COL4A5: variants seen among roughly 807,000 people sequenced by gnomAD.
COL4A5 encodes the protein collagen alpha-5(IV) chain.
In COL4A5, 26 loss-of-function variants were observed where a neutral mutation model predicts 130.2. The observed-to-expected ratio is 0.20, with a 90% CI of 0.15 to 0.28. The LOEUF is 0.28. Ranked by LOEUF, COL4A5 falls within the 10% of genes least tolerant of loss-of-function variation. The pLI is 1.00. For synonymous variants in COL4A5, 496 were observed against 439.6 expected (o/e 1.13, Z -1.60); for missense variants, 1,131 against 1,344.3 (o/e 0.84, Z 2.48).
Position 108,655,456 on chromosome X carries a change from A to G in COL4A5, c.3372A>G (p.Pro1124=). 1 of 1,211,230 alleles carries G rather than the reference A, an allele frequency of 8.3e-7. No homozygotes were observed. Among genetic ancestry groups the G allele is most frequent in the Non-Finnish European group, 1.1e-6 (1 of 895,260 alleles). The part of the protein sequence containing the change: ...AKGQPGLPGF[P]GTPGPPGPKG... ...GACAACCAGGCCTTCCTGGATTCCC[A>G]GGTAAAATTTCTTCTCTTAAATGCT... The change falls in exon 37 of 53, where the codon CCA becomes CCG. Residue 1124 remains proline (P), a splice_region_variant and synonymous_variant. Coordinates refer to ENST00000328300, the MANE Select transcript of COL4A5 (RefSeq NM_033380.3).
chrX:108,450,308 G>A (rs1305713221), intron 1 of COL4A5, among the ~76,000 whole-genome samples: 2 of 111,555 alleles, frequency 1.8e-5, no homozygotes, highest in Non-Finnish European at 3.8e-5. Context: ...TGCCCCAGCT[G>A]GTCTTGAACT....
At chrX:108,564,930 A>G (rs962200726) in intron 4 of COL4A5, among the ~76,000 whole-genome samples, 1 of 111,569 alleles carries the variant, frequency 9.0e-6, no homozygotes, top group East Asian at 2.8e-4. Flanking sequence ...GTACTGGAGA[A>G]GCAGGGAAGA....
rs752399898 is a variant in COL4A5, at chrX:108,595,520, G to T, written c.1435G>T (p.Asp479Tyr). 8.3e-7 allele frequency: 1 copy of T among 1,211,899 alleles called. No individual in the cohort carries two copies. Among genetic ancestry groups the T allele is most frequent in the Non-Finnish European group, 1.1e-6 (1 of 895,354 alleles). ...TATGATTTCACTAGGTGACAAAGGT[G>T]ACACTTGCTTCAACTGCATTGGAAC... ...GEQGVKGDKG[D>Y]TCFNCIGTGI... Residue 479 changes from aspartate to tyrosine, a missense_variant, in exon 22 of 53, where the codon GAC (aspartate) becomes TAC (tyrosine). Asp to Tyr is a radical substitution (Grantham distance 160). Transcript: ENST00000328300.
intron 1 of COL4A5, among the ~76,000 whole-genome samples, chrX:108,511,168 G>A (rs974799445): frequency 2.7e-5 from 3 of 111,354 alleles, no homozygotes; most frequent in Admixed American, 1.9e-4. Context: ...TTTAATATGA[G>A]AAATTTTAAG....
chrX:108,624,688 T>A (rs1025147762), intron 34 of COL4A5, among the ~76,000 whole-genome samples: 1 of 112,182 alleles, frequency 8.9e-6, no homozygotes, highest in African/African-American at 3.2e-5. Flanking sequence ...ATTCATCTTG[T>A]CCTGCTTTTT....
intron 1 of COL4A5, among the ~76,000 whole-genome samples, chrX:108,523,333 T>C (rs931919969): frequency 1.8e-5 from 2 of 112,169 alleles, no homozygotes; most frequent in Non-Finnish European, 3.8e-5. Flanking sequence ...TCCAGCAGTG[T>C]TTGTTGTAAT....
intron 21 of COL4A5, among the ~76,000 whole-genome samples, chrX:108,594,556 C>A (rs932171685): frequency 1.8e-5 from 2 of 110,670 alleles, no homozygotes; most frequent in South Asian, 3.8e-4. Flanking sequence ...ATATGCCATT[C>A]GTTATAAACT....
At chrX:108,449,759 T>C (rs1223437675) in intron 1 of COL4A5, among the ~76,000 whole-genome samples, 2 of 111,496 alleles carry the variant, frequency 1.8e-5, no homozygotes, top group Non-Finnish European at 3.8e-5. Flanking sequence ...AGGCGTTTTT[T>C]TCTCTGGAGC....
chrX:108,523,459 C>T lies in COL4A5; in HGVS notation c.82-16287C>T, dbSNP rs193217697. On this transcript the variant is annotated intron_variant, in intron 1 of 52. Transcript: ENST00000328300. Reference sequence around the variant, plus strand: ...TGTCCCATTGATCTACACGTCTGTCCTTTTGCCAGTACCACACTGGTTTGA... The same window carrying T: ...TGTCCCATTGATCTACACGTCTGTCTTTTTGCCAGTACCACACTGGTTTGA... Among the ~76,000 whole-genome samples the T allele has an allele frequency of 5.7e-4, 64 of 112,152 alleles. No individual in the cohort carries two copies. The East Asian group carries it at 0.017, about 29-fold the overall frequency.
intron 30 of COL4A5, 141 bp downstream of exon 30, chrX:108,615,165 T>C: frequency 2.0e-6 from 1 of 510,784 alleles, no homozygotes; most frequent in Non-Finnish European, 3.5e-6. Flanking sequence ...TTTATAAAAG[T>C]GGATAAGTAC....
At chrX:108,549,352 G>C (rs1382548184) in intron 2 of COL4A5, among the ~76,000 whole-genome samples, 1 of 111,006 alleles carries the variant, frequency 9.0e-6, no homozygotes, top group Non-Finnish European at 1.9e-5. Flanking sequence ...CTATGTGATA[G>C]GTCACAAAAT....
At position 108,621,857 on chromosome X, in the gene COL4A5, G is replaced by A. The variant is rs104886363; in HGVS notation, c.2732G>A (p.Gly911Glu). 8.3e-7 allele frequency: 1 copy of A among 1,209,835 alleles called. No homozygotes were observed. Among genetic ancestry groups the A allele is most frequent in the Non-Finnish European group, 1.1e-6 (1 of 893,931 alleles). ...CCTCCAGGCCCACCAGGACCTTTGG[G>A]AATTCCTGGCAGGAGTGGTGTACCT... ...MGPPGPPGPLGIPGRSGVPGL... is the reference protein window; with the variant it reads ...MGPPGPPGPLEIPGRSGVPGL... Residue 911 changes from glycine to glutamate, a missense_variant, in exon 32 of 53, where the codon GGA (glycine) becomes GAA (glutamate). Physicochemically the swap from Gly to Glu is moderately conservative, Grantham distance 98. Transcript: ENST00000328300.
intron 1 of COL4A5, among the ~76,000 whole-genome samples, chrX:108,522,270 C>A (rs1265310773): frequency 9.2e-6 from 1 of 109,281 alleles, no homozygotes; most frequent in Non-Finnish European, 1.9e-5. Flanking sequence ...ATGCTATGAA[C>A]ATTCATGTAC....
chrX:108,670,331 C>T (rs2068175814), intron 42 of COL4A5, 95 bp downstream of exon 42: 5 of 1,169,520 alleles, frequency 4.3e-6, no homozygotes, highest in Admixed American at 2.5e-5. Flanking sequence ...ATTTTAAGAG[C>T]ATATGTGCCA....
At chrX:108,657,177 G>A (rs537413112) in intron 37 of COL4A5, among the ~76,000 whole-genome samples, 1 of 111,192 alleles carries the variant, frequency 9.0e-6, no homozygotes, top group South Asian at 3.7e-4. Flanking sequence ...TATTTTTACA[G>A]TGTGAGGTAG....
At chrX:108,523,755 G>A (rs2065287419) in intron 1 of COL4A5, among the ~76,000 whole-genome samples, 1 of 111,292 alleles carries the variant, frequency 9.0e-6, no homozygotes, top group Admixed American at 9.5e-5. Flanking sequence ...ATTTAGTTAG[G>A]TTTTCTCTAA....
intron 36 of COL4A5, among the ~76,000 whole-genome samples, chrX:108,631,832 G>A (rs983386472): frequency 9.0e-6 from 1 of 111,546 alleles, no homozygotes; most frequent in African/African-American, 3.3e-5. Context: ...TTAAAGCAGT[G>A]TGTAGAGGGA....
In COL4A5 at chrX:108,559,930, T is replaced by C. The variant is rs893729417; in HGVS notation, c.231+777T>C. Among the ~76,000 whole-genome samples the C allele has an allele frequency of 2.7e-5, 3 of 111,284 alleles. No individual in the cohort carries two copies. The East Asian group carries it at 8.5e-4, about 32-fold the overall frequency. Reference sequence around the variant, plus strand: ...CTGTGTGGAGGGTAGCTGTCCCTTATGAGGCCTACCAAGAGGACTTTGGTT... The same window carrying C: ...CTGTGTGGAGGGTAGCTGTCCCTTACGAGGCCTACCAAGAGGACTTTGGTT... On this transcript the variant is annotated intron_variant, in intron 3 of 52. Transcript: ENST00000328300.
chrX:108,620,448 C>A (rs1469605426), intron 31 of COL4A5, 22 bp downstream of exon 31: 3 of 1,172,634 alleles, frequency 2.6e-6, no homozygotes, highest in Non-Finnish European at 1.2e-6. Flanking sequence ...AAAGTTTTCT[C>A]TGATTTGGAT....
Sources: allele counts gnomAD v4.1 joint callset (sites outside exome capture counted in the v4.1 genomes callset), GRCh38; gene constraint gnomAD v4.1.1; transcripts MANE v1.5; gene names NCBI Gene and HGNC (gene_info 2026-07-23, HGNC 2026-07-21).